DNAJC1: variants seen among roughly 807,000 people sequenced by gnomAD.
DNAJC1 encodes the protein DnaJ heat shock protein family (Hsp40) member C1.
A neutral mutation model predicts 76.6 loss-of-function variants in DNAJC1; 58 were observed. The ratio of observed to expected loss-of-function variants is 0.76; its 90% CI spans 0.61 to 0.94. The LOEUF (loss-of-function observed/expected upper bound fraction) is 0.94, where lower values mean the gene tolerates loss of function less well. DNAJC1 is among the 40% of genes least tolerant of loss of function. The pLI is 0.00. For synonymous variants in DNAJC1, 258 were observed against 267.9 expected (o/e 0.96, Z 0.36); for missense variants, 689 against 677.3 (o/e 1.02, Z -0.19).
intron 1 of DNAJC1, among the ~76,000 whole-genome samples, chr10:21,968,442 C>G (rs1329926901): frequency 6.6e-6 from 1 of 152,092 alleles, no homozygotes. Flanking sequence ...GAGTTCCTAG[C>G]CACTATGCTT....
chr10:21,765,100 T>C (rs907419023), intron 10 of DNAJC1, among the ~76,000 whole-genome samples: 1 of 152,234 alleles, frequency 6.6e-6, no homozygotes, highest in Non-Finnish European at 1.5e-5. Context: ...GCTTCTGTCA[T>C]ATAACATCCC....
At chr10:21,876,670 C>A (rs1305522624) in intron 8 of DNAJC1, among the ~76,000 whole-genome samples, 1 of 152,028 alleles carries the variant, frequency 6.6e-6, no homozygotes, top group Non-Finnish European at 1.5e-5. Context: ...GTGATTAAGA[C>A]CGTGTGGTAG....
At chr10:21,884,939 T>TA (rs1213978281) in intron 7 of DNAJC1, among the ~76,000 whole-genome samples, 1 of 152,122 alleles carries the variant, frequency 6.6e-6, no homozygotes, top group Non-Finnish European at 1.5e-5. Context: ...CCAGTGTCAC[T>TA]ATAAATCAAC....
intron 1 of DNAJC1, among the ~76,000 whole-genome samples, chr10:21,940,407 T>G (rs950718582): frequency 6.6e-6 from 1 of 152,190 alleles, no homozygotes; most frequent in Non-Finnish European, 1.5e-5. Context: ...ATTGATTTTC[T>G]TAGCCTTAAA....
chr10:21,891,501 G>GAAAAAA (rs1435674322), intron 7 of DNAJC1, among the ~76,000 whole-genome samples: 2 of 118,484 alleles, frequency 1.7e-5, no homozygotes, highest in Admixed American at 8.2e-5. Flanking sequence ...AAAAAGAAAA[G>GAAAAAA]AAAAAAAAAA....
At chr10:22,000,003 G>A (rs866374828) in intron 1 of DNAJC1, among the ~76,000 whole-genome samples, 138 of 152,224 alleles carry the variant, frequency 9.1e-4, no homozygotes, top group African/African-American at 3.2e-3. Context: ...TAGCATGTCC[G>A]TAAACCAAAT....
chr10:21,961,572 T>C (rs954625263), intron 1 of DNAJC1, among the ~76,000 whole-genome samples: 5 of 152,010 alleles, frequency 3.3e-5, no homozygotes, highest in African/African-American at 1.2e-4. Flanking sequence ...GGGGTTGGTG[T>C]GGGGGAAGGG....
chr10:21,796,035 T>C lies in DNAJC1; in HGVS notation c.1098+9945A>G, dbSNP rs538489048. ...CCCAGGCTGGAGTGTAGTGGCATGA[T>C]CTTGGCTCACTGCAACCGCCACCTC... On this transcript the variant is annotated intron_variant, in intron 9 of 11. Transcript: ENST00000376980. 1.9e-4 allele frequency among the ~76,000 whole-genome samples: 29 copies of C among 151,174 alleles called. No homozygotes were observed. The South Asian group carries it at 2.1e-3, about 11-fold the overall frequency.
chr10:21,925,714 C>T (rs753802468), intron 3 of DNAJC1, among the ~76,000 whole-genome samples: 44 of 152,152 alleles, frequency 2.9e-4, no homozygotes, highest in African/African-American at 8.7e-4. Flanking sequence ...TCCATTTATA[C>T]GAACTGTCCA....
chr10:21,907,864 G>A (rs915654470), intron 6 of DNAJC1, among the ~76,000 whole-genome samples: 2 of 149,690 alleles, frequency 1.3e-5, no homozygotes, highest in South Asian at 2.1e-4. Flanking sequence ...TGTAATCCCC[G>A]CTACTCAGGA....
chr10:21,986,589 G>A (rs1009642584), intron 1 of DNAJC1, among the ~76,000 whole-genome samples: 4 of 151,790 alleles, frequency 2.6e-5, no homozygotes, highest in African/African-American at 4.8e-5. Context: ...TTCTCTATCT[G>A]GGATGATCAT....
At chr10:21,833,147 T>C (rs926426120) in intron 8 of DNAJC1, among the ~76,000 whole-genome samples, 3 of 152,256 alleles carry the variant, frequency 2.0e-5, no homozygotes, top group Admixed American at 2.0e-4. Flanking sequence ...TCTGACCTTT[T>C]CAACTACATG....
At chr10:21,834,328 T>G (rs1366979066) in intron 8 of DNAJC1, among the ~76,000 whole-genome samples, 2 of 152,086 alleles carry the variant, frequency 1.3e-5, no homozygotes, top group Non-Finnish European at 2.9e-5. Flanking sequence ...AGACCTAATG[T>G]GGACTAAGGA....
chr10:21,929,385 A>G (rs1837183805), intron 1 of DNAJC1, among the ~76,000 whole-genome samples: 1 of 152,244 alleles, frequency 6.6e-6, no homozygotes, highest in Admixed American at 6.5e-5. Flanking sequence ...TAAAGAAGAC[A>G]GTATTTGGCG....
intron 8 of DNAJC1, among the ~76,000 whole-genome samples, chr10:21,829,948 G>A (rs1288195036): frequency 6.6e-6 from 1 of 152,172 alleles, no homozygotes; most frequent in Non-Finnish European, 1.5e-5. Context: ...TCTAGCTACA[G>A]TAATGAATAT....
At chr10:21,865,825 A>G (rs1238271887) in intron 8 of DNAJC1, 1 of 152,140 alleles carries the variant, frequency 6.6e-6, no homozygotes, top group African/African-American at 2.4e-5. Flanking sequence ...AACATGAAGT[A>G]CAAATGGAAT....
intron 1 of DNAJC1, among the ~76,000 whole-genome samples, chr10:21,934,420 G>A (rs1837278239): frequency 6.6e-6 from 1 of 152,034 alleles, no homozygotes; most frequent in Non-Finnish European, 1.5e-5. Context: ...TAAATTTAGT[G>A]TTGTCTAAGT....
intron 1 of DNAJC1, among the ~76,000 whole-genome samples, chr10:21,932,535 C>T (rs1413563148): frequency 6.6e-6 from 1 of 152,170 alleles, no homozygotes; most frequent in Non-Finnish European, 1.5e-5. Context: ...AAATTTACAG[C>T]AATTAGGCAA....
chr10:21,835,254 G>T (rs921485770), intron 8 of DNAJC1, among the ~76,000 whole-genome samples: 1 of 152,208 alleles, frequency 6.6e-6, no homozygotes, highest in Non-Finnish European at 1.5e-5. Flanking sequence ...CAACAGACCT[G>T]CAGCTGAGGG....
Sources: allele counts gnomAD v4.1 joint callset (sites outside exome capture counted in the v4.1 genomes callset), GRCh38; gene constraint gnomAD v4.1.1; transcripts MANE v1.5; gene names NCBI Gene and HGNC (gene_info 2026-07-23, HGNC 2026-07-21).